EMC3: variants seen among roughly 807,000 people sequenced by gnomAD.
EMC3 encodes the protein ER membrane protein complex subunit 3, also known as 30 kDa protein.
Under a neutral mutation model 36.6 loss-of-function variants are expected in EMC3, and 13 were observed. That is an observed-to-expected ratio of 0.35 (90% CI 0.23 to 0.56). The LOEUF is 0.56. Among genes scored for constraint, EMC3 ranks in the 20% least tolerant of loss-of-function variants. The pLI, the probability that EMC3 is intolerant of heterozygous loss-of-function variation, is 0.84. For missense variants in EMC3, 220 were observed against 324.5 expected (o/e 0.68, Z 2.47); for synonymous variants, 120 against 111.9 (o/e 1.07, Z -0.46).
chr3:9,976,713 C>A (rs1171360770), intron 3 of EMC3, among the ~76,000 whole-genome samples: 1 of 152,168 alleles, frequency 6.6e-6, no homozygotes, highest in Non-Finnish European at 1.5e-5. Flanking sequence ...CTGGCCTCCC[C>A]ACTCCATCAG....
intron 1 of EMC3, chr3:10,002,678 C>G (rs1446725583): frequency 2.6e-6 from 1 of 389,350 alleles, no homozygotes; most frequent in African/African-American, 2.1e-5. Flanking sequence ...ACATCCCTGG[C>G]TCAACAAGCC....
chr3:9,978,144 C>A (rs2085868967), intron 1 of EMC3: 1 of 49,066 alleles, frequency 2.0e-5, no homozygotes. Flanking sequence ...GACCCTGTCT[C>A]TAAAAAAAAA....
chr3:10,008,524 C>A, intron 1 of EMC3: 1 of 1,354,916 alleles, frequency 7.4e-7, no homozygotes, highest in Non-Finnish European at 9.9e-7. Context: ...GGGGAGCAGG[C>A]CTCAGCAGGG....
At chr3:10,001,344 G>A (rs548461612) in intron 1 of EMC3, among the ~76,000 whole-genome samples, 137 of 150,036 alleles carry the variant, frequency 9.1e-4, no homozygotes, top group Non-Finnish European at 1.8e-3. Context: ...GGCGGATCAC[G>A]AGGTCAGGAG....
chr3:10,006,862 C>T (rs1346580189), intron 1 of EMC3: 3 of 410,004 alleles, frequency 7.3e-6, no homozygotes, highest in Admixed American at 5.9e-5. Flanking sequence ...ACAGTGGATG[C>T]CAATGGCTGT....
chr3:9,984,080 C>CTTT, intron 1 of EMC3, among the ~76,000 whole-genome samples: 1 of 143,732 alleles, frequency 7.0e-6, no homozygotes, highest in Non-Finnish European at 1.5e-5. Context: ...GGTAAATACA[C>CTTT]TTTTTTTTTT....
At chr3:9,968,359 GCT>G (rs1285454944) in intron 7 of EMC3, among the ~76,000 whole-genome samples, 1 of 152,110 alleles carries the variant, frequency 6.6e-6, no homozygotes, top group Non-Finnish European at 1.5e-5. Context: ...TTATTTATTA[GCT>G]CTGTTAGTTT....
chr3:9,981,657 A>C, intron 1 of EMC3: 1 of 358,046 alleles, frequency 2.8e-6, no homozygotes, highest in Non-Finnish European at 5.4e-6. Context: ...TTGGTCTCAA[A>C]TTCCTGGGCT....
At chr3:9,984,756 T>C (rs1415996197) in intron 1 of EMC3, among the ~76,000 whole-genome samples, 1 of 152,168 alleles carries the variant, frequency 6.6e-6, no homozygotes, top group Admixed American at 6.5e-5. Flanking sequence ...CTGAAACTAA[T>C]GCTACAGAAA....
intron 1 of EMC3, among the ~76,000 whole-genome samples, chr3:10,005,502 C>T (rs1230358249): frequency 1.3e-5 from 2 of 152,184 alleles, no homozygotes; most frequent in African/African-American, 2.4e-5. Context: ...AGGGCCAGGA[C>T]TTTGCCCTTT....
chr3:9,988,287 C>T (rs2086003003), upstream of EMC3: 1 of 687,662 alleles, frequency 1.5e-6, no homozygotes, highest in Admixed American at 2.1e-5. Context: ...CTCCAGGGTA[C>T]ATGGCTACTA....
intron 1 of EMC3, among the ~76,000 whole-genome samples, chr3:9,984,199 A>G (rs1486335102): frequency 6.6e-6 from 1 of 151,752 alleles, no homozygotes; most frequent in African/African-American, 2.4e-5. Flanking sequence ...CTCCTGCCTC[A>G]GCCTCCCGAG....
chr3:9,993,783 T>TA (rs1186699459), intron 1 of EMC3, among the ~76,000 whole-genome samples: 1 of 152,222 alleles, frequency 6.6e-6, no homozygotes, highest in Non-Finnish European at 1.5e-5. Flanking sequence ...TCACTTCTTT[T>TA]AAAAAAGTCA....
intron 1 of EMC3, among the ~76,000 whole-genome samples, chr3:10,000,314 A>C (rs2086182817): frequency 6.6e-6 from 1 of 152,204 alleles, no homozygotes; most frequent in Admixed American, 6.5e-5. Flanking sequence ...TGCTAGGATT[A>C]CAGGCATGAG....
chr3:9,987,806 C>T, upstream of EMC3: 1 of 526,966 alleles, frequency 1.9e-6, no homozygotes, highest in Non-Finnish European at 3.5e-6. Flanking sequence ...AAAATTTTTT[C>T]TTCCTCAGTC....
rs557264955 is a variant in EMC3, at chr3:9,969,260, G to A, written c.657+459C>T. The A allele has an allele frequency of 2.6e-5, 26 of 996,850 alleles. No individual in the cohort carries two copies. In the South Asian group the frequency reaches 2.6e-4, roughly 10 times the overall value. The allele number at this position is 996,850 out of a possible 1,614,324, so 61.8% of individuals were successfully genotyped here. A position where few individuals can be genotyped will look rare whatever the true frequency, so the allele number is the denominator to read the frequency against. ...CACGTGTGAGCCCCTGTGCCTGGCC[G>A]GAACTTCCCTTCTCTTTTAGTTTCT... On this transcript the variant is annotated intron_variant, in intron 7 of 7. Coordinates refer to ENST00000245046, the MANE Select transcript of EMC3 (RefSeq NM_001394674.1).
intron 4 of EMC3, among the ~76,000 whole-genome samples, 198 bp downstream of exon 4, chr3:9,974,186 T>C (rs1410551244): frequency 7.2e-5 from 11 of 152,252 alleles, no homozygotes; most frequent in Admixed American, 7.2e-4. Flanking sequence ...TGCTTGAATC[T>C]AATCTGGCTA....
chr3:10,002,746 C>T (rs778926930), intron 1 of EMC3: 6 of 441,868 alleles, frequency 1.4e-5, no homozygotes, highest in East Asian at 1.4e-4. Context: ...AGGAGACCTG[C>T]ACAACTGGAT....
chr3:9,971,540 C>T (rs1203885247), intron 5 of EMC3, among the ~76,000 whole-genome samples: 1 of 152,188 alleles, frequency 6.6e-6, no homozygotes, highest in African/African-American at 2.4e-5. Context: ...TGTTGCTGAT[C>T]TCACCACAGT....
Sources: gnomAD v4.1 joint callset for allele counts (sites outside exome capture counted in the v4.1 genomes callset) on GRCh38, gnomAD v4.1.1 for gene constraint, MANE v1.5 for transcripts, NCBI Gene and HGNC (gene_info 2026-07-23, HGNC 2026-07-21) for gene names.